Variants in RECQL4 observed in about 807,000 individuals in gnomAD.
RECQL4 encodes the protein RecQ like helicase 4.
In RECQL4, 158 loss-of-function variants were observed where a neutral mutation model predicts 128.6. That is an observed-to-expected ratio of 1.23 (90% CI 1.08 to 1.40). The LOEUF (loss-of-function observed/expected upper bound fraction) is 1.40, where lower values mean the gene tolerates loss of function less well. RECQL4 is among the 40% of genes most tolerant of loss of function. RECQL4 has a pLI of 0.00. For synonymous variants in RECQL4, 996 were observed against 678.9 expected (o/e 1.47, Z -7.26); for missense variants, 2,293 against 1,649.8 (o/e 1.39, Z -6.75).
chr8:144,511,926 C>T lies in RECQL4; in HGVS notation c.3378G>A (p.Glu1126=). The T allele has an allele frequency of 1.2e-6, 2 of 1,611,112 alleles. No individual in the cohort carries two copies. Among genetic ancestry groups the T allele is most frequent in the African/African-American group, 1.3e-5 (1 of 75,072 alleles). ...PGGMEDAQGP[E]PGQARLQDWE... is the part of the protein sequence containing the mutation. ...CTGCACTCACTCTGGCCTGCCCTGG[C>T]TCGGGGCCCTGTGCGTCCTCCATGC... Residue 1126 remains glutamate, a synonymous_variant, in exon 19 of 21, where the codon GAG becomes GAA. Coordinates refer to ENST00000617875, the MANE Select transcript of RECQL4 (RefSeq NM_004260.4).
chr8:144,517,652 T>C lies in RECQL4; in HGVS notation c.85-17A>G, dbSNP rs1008911481. 1 of 1,475,370 alleles carries C rather than the reference T, an allele frequency of 6.8e-7. No individual in the cohort carries two copies. The highest frequency in any genetic ancestry group is 8.9e-7 in the Non-Finnish European group (1 of 1,120,532). The allele number at this position is 1,475,370 out of a possible 1,614,324, so 91.4% of individuals were successfully genotyped here. On this transcript the variant is annotated splice_polypyrimidine_tract_variant and intron_variant, in intron 1 of 20. Transcript: ENST00000617875. ...CACGTCGTCCTGTAAAGGGAACGCG[T>C]CAGCCGCGGGCCGCGCCCTCAGCCC...
At position 144,515,150 on chromosome 8, in the gene RECQL4, C is replaced by T. The variant is rs2130705482; in HGVS notation, c.1483G>A (p.Gly495Ser). 6.4e-7 allele frequency: 1 copy of T among 1,566,012 alleles called. No individual in the cohort carries two copies. Among genetic ancestry groups the T allele is most frequent in the Non-Finnish European group, 8.6e-7 (1 of 1,156,402 alleles). Reference protein sequence around the residue: ...QERAVMRILSGISTLLVLPTG... With the variant: ...QERAVMRILSSISTLLVLPTG... The stretch of plus-strand genomic sequence containing the variant: ...CCTCAGCCCTGGCAGCCACGCTCAC[C>T]AGACAGGATCCGCATGACTGCACGC... The change falls in exon 8 of 21, where the codon GGC (glycine) becomes AGC (serine). Residue 495 changes from glycine to serine, a missense_variant and splice_region_variant. Coordinates refer to ENST00000617875, the MANE Select transcript of RECQL4 (RefSeq NM_004260.4).
rs2130664179 is a variant in RECQL4 at position 144,512,548 on chromosome 8, C to A, written c.2899G>T (p.Ala967Ser). ...QALAHRCPPL[A>S]VCLAQQLPED... ...GGCAGCTGCTGGGCCAAGCACACAG[C>A]CAAAGGGGGACACCTGTGCCCAGGG... The change falls in exon 17 of 21, where the codon GCT (alanine) becomes TCT (serine). Residue 967 changes from alanine (A) to serine (S), a missense_variant. By Grantham distance (99) the Ala-to-Ser change is moderately conservative. Coordinates refer to ENST00000617875, the MANE Select transcript of RECQL4 (RefSeq NM_004260.4). 5.0e-6 allele frequency: 8 copies of A among 1,612,562 alleles called. No homozygotes were observed. Among genetic ancestry groups the A allele is most frequent in the Non-Finnish European group, 6.8e-6 (8 of 1,179,808 alleles).
Position 144,512,682 on chromosome 8 carries a change from A to G in RECQL4, c.2845T>C (p.Cys949Arg), listed in dbSNP as rs1307340757. The G allele has an allele frequency of 6.2e-7, 1 of 1,612,450 alleles. No homozygotes were observed. Among genetic ancestry groups the G allele is most frequent in the Non-Finnish European group, 8.5e-7 (1 of 1,179,836 alleles). The change falls in exon 16 of 21, where the codon TGC (cysteine) becomes CGC (arginine). Residue 949 changes from cysteine (C) to arginine (R), a missense_variant. Physicochemically the swap from Cys to Arg is radical, Grantham distance 180. Transcript: ENST00000617875. ...TGGAGCTGGGCAGGGCCCCCAGGGCAGTTCAGACGGCAATGGGTATAGGTG... is the reference window on the plus strand; with the variant it reads ...TGGAGCTGGGCAGGGCCCCCAGGGCGGTTCAGACGGCAATGGGTATAGGTG... ...ATTYTHCRLN[C>R]PGGPAQLQAL... is the part of the protein sequence containing the mutation.
chr8:144,517,017 C>T (rs369657999), intron 4 of RECQL4, 33 bp downstream of exon 4: 1 of 1,590,158 alleles, frequency 6.3e-7, no homozygotes, highest in Non-Finnish European at 8.6e-7. Flanking sequence ...AGCTGTGGAC[C>T]TAGCGTGGAC....
At position 144,515,431 on chromosome 8, in the gene RECQL4, C is replaced by T. The variant is rs1828017237; in HGVS notation, c.1285G>A (p.Gly429Arg). ...GGTGAAGGAACCAGTGGCTCAGGCCCAACAGCATCTGTGTCTTCCTCACTT... is the reference window on the plus strand; with the variant it reads ...GGTGAAGGAACCAGTGGCTCAGGCCTAACAGCATCTGTGTCTTCCTCACTT... Reference protein sequence around the residue: ...PASEEDTDAVGPEPLVPSPQP... With the variant: ...PASEEDTDAVRPEPLVPSPQP... The change falls in exon 7 of 21, where the codon GGG (glycine) becomes AGG (arginine). Residue 429 changes from glycine to arginine, a missense_variant. By Grantham distance (125) the Gly-to-Arg change is moderately radical. Transcript: ENST00000617875. 2 of 1,612,810 alleles carry T rather than the reference C, an allele frequency of 1.2e-6. No homozygotes were observed. Among genetic ancestry groups the T allele is most frequent in the South Asian group, 2.2e-5 (2 of 91,086 alleles).
At position 144,511,353 on chromosome 8, in the gene RECQL4, G is replaced by A. The variant is rs1487391542; in HGVS notation, c.*78C>T. 9 of 1,587,680 alleles carry A rather than the reference G, an allele frequency of 5.7e-6. No homozygotes were observed. The East Asian group carries it at 9.0e-5, about 16-fold the overall frequency. ...CTCCTCGTTCCCACACCCTGTGGCA[G>A]GTTTTGCCCAGGTCCTCAGTCACTG... is the stretch of plus-strand genomic sequence containing the variant. On this transcript the variant is annotated 3_prime_UTR_variant, in exon 21 of 21. Transcript: ENST00000617875.
In RECQL4 at chr8:144,514,172, G is replaced by A. The variant is rs1363005037; in HGVS notation, c.1878+17C>T. 1.2e-6 allele frequency: 2 copies of A among 1,612,028 alleles called. No homozygotes were observed. The highest frequency in any genetic ancestry group is 2.7e-5 in the African/African-American group (2 of 74,960). On this transcript the variant is annotated intron_variant, in intron 11 of 20. Transcript: ENST00000617875. ...ATCCCGGCCCTGGCCGCCCACCCCAGTTCACATATGGCTCACCTTGCAGAC... is the reference window on the plus strand; with the variant it reads ...ATCCCGGCCCTGGCCGCCCACCCCAATTCACATATGGCTCACCTTGCAGAC...
At position 144,511,427 on chromosome 8, in the gene RECQL4, G is replaced by A. The variant is rs1288733837; in HGVS notation, c.*4C>T. On this transcript the variant is annotated 3_prime_UTR_variant, in exon 21 of 21. Transcript: ENST00000617875. ...TCTACCCGACATCCCCCAATGCAGT[G>A]CAGTCAGCGGGCCACCTGCAGGAGC... The A allele has an allele frequency of 1.9e-6, 3 of 1,612,106 alleles. No homozygotes were observed. Among genetic ancestry groups the A allele is most frequent in the Non-Finnish European group, 2.5e-6 (3 of 1,179,484 alleles).
At position 144,512,237 on chromosome 8, in the gene RECQL4, T is replaced by A; in HGVS notation, c.3143A>T (p.Lys1048Met). ...ATAGAGGAAGTCACATATCTGGTCC[T>A]TCTCCTCAGCGGTCAAGTCCCCCGG... ...RSPGDLTAEEKDQICDFLYGR... is the reference protein window; with the variant it reads ...RSPGDLTAEEMDQICDFLYGR... Residue 1048 changes from lysine to methionine, a missense_variant, in exon 18 of 21, where the codon AAG becomes ATG. Coordinates refer to ENST00000617875, the MANE Select transcript of RECQL4 (RefSeq NM_004260.4). 6.2e-7 allele frequency: 1 copy of A among 1,612,284 alleles called. No homozygotes were observed. Among genetic ancestry groups the A allele is most frequent in the South Asian group, 1.1e-5 (1 of 91,084 alleles).
chr8:144,517,752 C>T lies in RECQL4; in HGVS notation c.33G>A (p.Leu11=), dbSNP rs2130746115. The change falls in exon 1 of 21, where the codon CTG becomes CTA. Residue 11 remains leucine, a synonymous_variant. Transcript: ENST00000617875. Reference sequence around the variant, plus strand: ...GTCGGAACGCGCGCTCCCACGCCTGCAGCCGCTCCCGCACGTCCCGCAGCC... The same window carrying T: ...GTCGGAACGCGCGCTCCCACGCCTGTAGCCGCTCCCGCACGTCCCGCAGCC... MERLRDVRER[L]QAWERAFRRQ... 1 of 1,325,848 alleles carries T rather than the reference C, an allele frequency of 7.5e-7. No homozygotes were observed. The highest frequency in any genetic ancestry group is 9.7e-7 in the Non-Finnish European group (1 of 1,035,828). The allele number at this position is 1,325,848 out of a possible 1,614,324, so 82.1% of individuals were successfully genotyped here. A position where few individuals can be genotyped will look rare whatever the true frequency, so the allele number is the denominator to read the frequency against.
In RECQL4 at chr8:144,516,567, G is replaced by A. The variant is rs1815048459; in HGVS notation, c.552C>T (p.Gly184=). The change falls in exon 5 of 21, where the codon GGC becomes GGT. Residue 184 remains glycine, a synonymous_variant. Coordinates refer to ENST00000617875, the MANE Select transcript of RECQL4 (RefSeq NM_004260.4). ...HLQASLSQRL[G]SLDPGWLQRC... is the part of the protein sequence containing the mutation. Reference sequence around the variant, plus strand: ...GCTGTAACCAGCCAGGATCTAGGGAGCCCAGCCGCTGGCTCAGGGATGCCT... The same window carrying A: ...GCTGTAACCAGCCAGGATCTAGGGAACCCAGCCGCTGGCTCAGGGATGCCT... 3.1e-6 allele frequency: 5 copies of A among 1,609,402 alleles called. No homozygotes were observed. Among genetic ancestry groups the A allele is most frequent in the Non-Finnish European group, 1.7e-6 (2 of 1,178,710 alleles).
rs751080188 is a variant in RECQL4, at chr8:144,511,904, C to T, written c.3393+7G>A. The T allele has an allele frequency of 3.7e-6, 6 of 1,610,402 alleles. No individual in the cohort carries two copies. Among genetic ancestry groups the T allele is most frequent in the Admixed American group, 1.7e-5 (1 of 60,010 alleles). On this transcript the variant is annotated splice_region_variant and intron_variant, in intron 19 of 20. Coordinates refer to ENST00000617875, the MANE Select transcript of RECQL4 (RefSeq NM_004260.4). ...CCCGATGAGCTGCCTGGCCTTACTGCACTCACTCTGGCCTGCCCTGGCTCG... is the reference window on the plus strand; with the variant it reads ...CCCGATGAGCTGCCTGGCCTTACTGTACTCACTCTGGCCTGCCCTGGCTCG...
In RECQL4 at chr8:144,516,555, AG is replaced by A. The variant is rs1249298462; in HGVS notation, c.563del (p.Pro188LeufsTer25). ...SLSQRLGSLD[P>X]GWLQRCHSEV... ...CACTGTGACATCGCTGTAACCAGCCAGGATCTAGGGAGCCCAGCCGCTGGCT... is the reference window on the plus strand; with the variant it reads ...CACTGTGACATCGCTGTAACCAGCCAGATCTAGGGAGCCCAGCCGCTGGCT... On this transcript the variant is annotated frameshift_variant, in exon 5 of 21. Transcript: ENST00000617875. LOFTEE classifies it high-confidence loss of function. 1 of 1,610,144 alleles carries A rather than the reference AG, an allele frequency of 6.2e-7. No individual in the cohort carries two copies. Among genetic ancestry groups the A allele is most frequent in the Non-Finnish European group, 8.5e-7 (1 of 1,179,066 alleles).
In RECQL4 at chr8:144,516,259, T is replaced by A; in HGVS notation, c.860A>T (p.Glu287Val). 1 of 1,612,362 alleles carries A rather than the reference T, an allele frequency of 6.2e-7. No homozygotes were observed. Among genetic ancestry groups the A allele is most frequent in the Non-Finnish European group, 8.5e-7 (1 of 1,179,598 alleles). ...QESSQAGPPSEGAGAVAVEED... is the reference protein window; with the variant it reads ...QESSQAGPPSVGAGAVAVEED... ...CTCAACTGCTACAGCCCCAGCCCCC[T>A]CCGATGGGGGTCCAGCTTGGCTGCT... Residue 287 changes from glutamate (E) to valine (V), a missense_variant, in exon 5 of 21, where the codon GAG becomes GTG. Glu to Val is a moderately radical substitution (Grantham distance 121, BLOSUM62 -2). Coordinates refer to ENST00000617875, the MANE Select transcript of RECQL4 (RefSeq NM_004260.4).
Position 144,513,345 on chromosome 8 carries a change from T to C in RECQL4, c.2336A>G (p.Asp779Gly), listed in dbSNP as rs2130678409. The C allele has an allele frequency of 6.2e-7, 1 of 1,604,890 alleles. No individual in the cohort carries two copies. The highest frequency in any genetic ancestry group is 2.2e-5 in the East Asian group (1 of 44,860). Residue 779 changes from aspartate (D) to glycine (G), a missense_variant, in exon 14 of 21, where the codon GAC becomes GGC. Asp to Gly is a moderately conservative substitution (Grantham distance 94). Transcript: ENST00000617875. ...CAGCACAGCCCGCACATCTGGCCGG[T>C]CCAGCCCCATCCCAAAGGCCACCGT... Reference protein sequence around the residue: ...VATVAFGMGLDRPDVRAVLHL... With the variant: ...VATVAFGMGLGRPDVRAVLHL...
At position 144,516,095 on chromosome 8, in the gene RECQL4, A is replaced by C. The variant is rs772388357; in HGVS notation, c.1024T>G (p.Phe342Val). The C allele has an allele frequency of 6.2e-7, 1 of 1,612,766 alleles. No homozygotes were observed. The highest frequency in any genetic ancestry group is 8.5e-7 in the Non-Finnish European group (1 of 1,179,864). ...CTGTCATGGCGGGCCAGCCGAGGGAAGATGTGCAGGGGGGCTGTGCCCTCA... is the reference window on the plus strand; with the variant it reads ...CTGTCATGGCGGGCCAGCCGAGGGACGATGTGCAGGGGGGCTGTGCCCTCA... The part of the protein sequence containing the change: ...KAEGTAPLHI[F>V]PRLARHDRGN... Residue 342 changes from phenylalanine (F) to valine (V), a missense_variant, in exon 5 of 21, where the codon TTC (phenylalanine) becomes GTC (valine). Transcript: ENST00000617875.
chr8:144,516,560 C>T lies in RECQL4; in HGVS notation c.559G>A (p.Asp187Asn), dbSNP rs775849340. ...TGACATCGCTGTAACCAGCCAGGAT[C>T]TAGGGAGCCCAGCCGCTGGCTCAGG... The part of the protein sequence containing the change: ...ASLSQRLGSL[D>N]PGWLQRCHSE... Residue 187 changes from aspartate (D) to asparagine (N), a missense_variant, in exon 5 of 21, where the codon GAT (aspartate) becomes AAT (asparagine). Asp to Asn is a conservative substitution (Grantham distance 23, BLOSUM62 1). Coordinates refer to ENST00000617875, the MANE Select transcript of RECQL4 (RefSeq NM_004260.4). The T allele has an allele frequency of 1.3e-5, 21 of 1,609,858 alleles. No individual in the cohort carries two copies. The highest frequency in any genetic ancestry group is 1.7e-5 in the Non-Finnish European group (20 of 1,178,864).
At position 144,513,305 on chromosome 8, in the gene RECQL4, G is replaced by A. The variant is rs768878258; in HGVS notation, c.2376C>T (p.Pro792=). 4.4e-6 allele frequency: 7 copies of A among 1,600,776 alleles called. No individual in the cohort carries two copies. In the African/African-American group the frequency reaches 6.7e-5, roughly 15 times the overall value. The stretch of plus-strand genomic sequence containing the variant: ...CCTGCACGTAGCTCTCGAAGCTTGG[G>A]GGCAGCCCCAGATGCAGCACAGCCC... ...DVRAVLHLGL[P]PSFESYVQAV... Residue 792 remains proline (P), a synonymous_variant, in exon 14 of 21, where the codon CCC becomes CCT. Transcript: ENST00000617875.
Sources: allele counts gnomAD v4.1 joint callset, GRCh38; gene constraint gnomAD v4.1.1; transcripts MANE v1.5; gene names NCBI Gene and HGNC (gene_info 2026-07-23, HGNC 2026-07-21).